Variants in ECHDC1 observed in about 807,000 individuals in gnomAD.
ECHDC1 encodes ethylmalonyl-CoA decarboxylase 1.
Under a neutral mutation model 29.7 loss-of-function variants are expected in ECHDC1, and 29 were observed. That is an observed-to-expected ratio of 0.98 (90% confidence interval 0.73 to 1.33). The LOEUF is 1.33. ECHDC1 is among the 40% of genes most tolerant of loss of function. The probability of loss-of-function intolerance (pLI) is 0.00; values close to 1 mark genes in which losing one functional copy is unlikely to be tolerated. For synonymous variants in ECHDC1, 126 were observed against 123.1 expected, an observed-to-expected ratio of 1.02 and a Z score of -0.15; for missense variants, 328 against 350.0, an observed-to-expected ratio of 0.94 and a Z score of 0.50.
chr6:127,307,338 A>T (rs1171260821), intron 5 of ECHDC1, among the ~76,000 whole-genome samples: 1 of 152,160 alleles, frequency 6.6e-6, no homozygotes, highest in Non-Finnish European at 1.5e-5. Flanking sequence ...AATCTAAATT[A>T]AAAAAATATT....
chr6:127,333,224 G>T (rs1013399148), intron 1 of ECHDC1, among the ~76,000 whole-genome samples: 5 of 152,160 alleles, frequency 3.3e-5, no homozygotes, highest in Non-Finnish European at 7.3e-5. Flanking sequence ...TGGACAAACT[G>T]GGAAGGAGGT....
chr6:127,324,214 GTGA>G (rs1461991943), intron 3 of ECHDC1, among the ~76,000 whole-genome samples: 2 of 152,094 alleles, frequency 1.3e-5, no homozygotes, highest in African/African-American at 2.4e-5. Context: ...TAAAGGAAAA[GTGA>G]TGATATTGAA....
At chr6:127,307,871 T>G (rs1319515239) in intron 5 of ECHDC1, among the ~76,000 whole-genome samples, 1 of 151,690 alleles carries the variant, frequency 6.6e-6, no homozygotes, top group African/African-American at 2.4e-5. Context: ...AGCAACTACA[T>G]GTCAATAAAT....
chr6:127,333,750 T>C (rs1421786951), intron 1 of ECHDC1, among the ~76,000 whole-genome samples: 1 of 151,534 alleles, frequency 6.6e-6, no homozygotes, highest in Non-Finnish European at 1.5e-5. Context: ...AATGTATGCA[T>C]TTGCTCAACC....
chr6:127,313,800 T>C (rs1440996031), intron 5 of ECHDC1, among the ~76,000 whole-genome samples: 3 of 152,344 alleles, frequency 2.0e-5, no homozygotes, highest in East Asian at 3.9e-4. Context: ...TTGTATAAGA[T>C]AATCTTAAAA....
intron 5 of ECHDC1, among the ~76,000 whole-genome samples, chr6:127,307,656 A>AAAAAAAAAAAAAAAAAAAAAAAAAC (rs1781547810): frequency 6.7e-6 from 1 of 149,390 alleles, no homozygotes; most frequent in Non-Finnish European, 1.5e-5. Flanking sequence ...CAGAAAAAAA[A>AAAAAAAAAAAAAAAAAAAAAAAAAC]AAAAAAGACA....
At chr6:127,308,713 T>C (rs1781641213) in intron 5 of ECHDC1, among the ~76,000 whole-genome samples, 1 of 152,194 alleles carries the variant, frequency 6.6e-6, no homozygotes, top group Non-Finnish European at 1.5e-5. Flanking sequence ...AGAAATCAAA[T>C]TATCCTTGTT....
chr6:127,310,260 C>G (rs1280507781), intron 5 of ECHDC1, among the ~76,000 whole-genome samples: 1 of 151,862 alleles, frequency 6.6e-6, no homozygotes. Context: ...TTTTGTAACA[C>G]AAAGGGTAAA....
intron 3 of ECHDC1, among the ~76,000 whole-genome samples, chr6:127,322,844 A>ACAGTCTATT (rs1782952578): frequency 6.6e-6 from 1 of 152,094 alleles, no homozygotes; most frequent in African/African-American, 2.4e-5. Flanking sequence ...CAAACCCACA[A>ACAGTCTATT]CAGTCTATTA....
chr6:127,331,733 T>C, intron 1 of ECHDC1: 2 of 712,288 alleles, frequency 2.8e-6, no homozygotes, highest in Non-Finnish European at 3.4e-6. Flanking sequence ...AGAATAAATA[T>C]AGTCCAAGTG....
chr6:127,317,695 T>A (rs1562320741), intron 3 of ECHDC1, among the ~76,000 whole-genome samples: 2 of 152,202 alleles, frequency 1.3e-5, no homozygotes, highest in Non-Finnish European at 2.9e-5. Flanking sequence ...AGGCTCAGAT[T>A]TTTGGTACTA....
intron 5 of ECHDC1, among the ~76,000 whole-genome samples, chr6:127,306,293 T>G (rs1342822322): frequency 6.6e-6 from 1 of 152,112 alleles, no homozygotes; most frequent in Non-Finnish European, 1.5e-5. Context: ...AGCACCCAGA[T>G]ATATACAGGA....
chr6:127,336,501 G>T (rs182615204), intron 1 of ECHDC1, among the ~76,000 whole-genome samples: 276 of 152,156 alleles, frequency 1.8e-3, no homozygotes, highest in South Asian at 6.2e-3. Context: ...TAAAAGTTCT[G>T]TCTATGGAAA....
At chr6:127,339,064 C>G (rs948289228) in intron 1 of ECHDC1, among the ~76,000 whole-genome samples, 9 of 151,836 alleles carry the variant, frequency 5.9e-5, no homozygotes, top group African/African-American at 2.2e-4. Context: ...ATGTCCTGTT[C>G]AGGAATTCCT....
intron 5 of ECHDC1, among the ~76,000 whole-genome samples, chr6:127,292,202 G>C (rs1221437285): frequency 6.6e-6 from 1 of 151,990 alleles, no homozygotes; most frequent in African/African-American, 2.4e-5. Context: ...GATTCATTTA[G>C]AATCAGCTGA....
In ECHDC1 at chr6:127,331,012, A is replaced by C. The variant is rs758015854; in HGVS notation, c.17T>G (p.Leu6Trp). The C allele has an allele frequency of 1.6e-5, 26 of 1,613,166 alleles. No homozygotes were observed. In the East Asian group the frequency reaches 5.8e-4, roughly 36 times the overall value. MAKSLLKTASLSGRTK... is the reference protein window; with the variant it reads MAKSLWKTASLSGRTK... ...CCTTCCAGACAGAGAGGCTGTCTTC[A>C]AAAGACTTTTCGCCATTTCTGGAAA... The change falls in exon 2 of 6, where the codon TTG becomes TGG. Residue 6 changes from leucine (L) to tryptophan (W), a missense_variant. Coordinates refer to ENST00000454859, the MANE Select transcript of ECHDC1 (RefSeq NM_001002030.2).
intron 3 of ECHDC1, among the ~76,000 whole-genome samples, chr6:127,321,570 T>C (rs947371747): frequency 6.6e-6 from 1 of 152,244 alleles, no homozygotes; most frequent in Non-Finnish European, 1.5e-5. Context: ...CCATACTTTA[T>C]ATGTATTGTT....
intron 1 of ECHDC1, chr6:127,342,846 C>T (rs1785076939): frequency 6.5e-6 from 1 of 154,368 alleles, no homozygotes; most frequent in Non-Finnish European, 1.4e-5. Context: ...GAACCTCTAC[C>T]AGAAAGGAGT....
At chr6:127,322,641 T>C (rs921371857) in intron 3 of ECHDC1, among the ~76,000 whole-genome samples, 1 of 108,620 alleles carries the variant, frequency 9.2e-6, no homozygotes, top group Non-Finnish European at 2.4e-5. Context: ...TATATATATA[T>C]GTGTGTATAT....
Sources: gnomAD v4.1 joint callset for allele counts (sites outside exome capture counted in the v4.1 genomes callset) on GRCh38, gnomAD v4.1.1 for gene constraint, MANE v1.5 for transcripts, NCBI Gene and HGNC (gene_info 2026-07-23, HGNC 2026-07-21) for gene names.